GRM5: variants seen among roughly 807,000 people sequenced by gnomAD.
GRM5 encodes glutamate metabotropic receptor 5, also known as metabotropic glutamate receptor 5.
GRM5 carries 19 observed loss-of-function variants against 83.1 expected under a neutral mutation model. The ratio of observed to expected loss-of-function variants is 0.23; its 90% CI spans 0.16 to 0.34. The LOEUF (loss-of-function observed/expected upper bound fraction) is 0.34, where lower values mean the gene tolerates loss of function less well. Ranked by LOEUF, GRM5 falls within the 10% of genes least tolerant of loss-of-function variation. GRM5 has a pLI of 1.00. For synonymous variants in GRM5, 675 were observed against 633.6 expected, an observed-to-expected ratio of 1.07 and a Z score of -0.98; for missense variants, 1,160 against 1,588.3, an observed-to-expected ratio of 0.73 and a Z score of 4.58.
At chr11:88,575,532 G>A (rs1355768082) in intron 7 of GRM5, among the ~76,000 whole-genome samples, 1 of 152,194 alleles carries the variant, frequency 6.6e-6, no homozygotes, top group South Asian at 2.1e-4. Context: ...GTCTGCATGG[G>A]CAAGGTGGGG....
At chr11:88,634,724 T>A (rs1212349470) in intron 4 of GRM5, among the ~76,000 whole-genome samples, 1 of 152,206 alleles carries the variant, frequency 6.6e-6, no homozygotes, top group Non-Finnish European at 1.5e-5. Flanking sequence ...CACTCCCAAG[T>A]AATGATAAAA....
intron 3 of GRM5, among the ~76,000 whole-genome samples, chr11:88,672,260 AC>A (rs1940214226): frequency 6.6e-6 from 1 of 151,988 alleles, no homozygotes; most frequent in Non-Finnish European, 1.5e-5. Context: ...AAAATAGTGG[AC>A]CAAATTCAGT....
chr11:89,019,953 T>C (rs966000772), intron 2 of GRM5, among the ~76,000 whole-genome samples: 9 of 152,176 alleles, frequency 5.9e-5, no homozygotes, highest in Non-Finnish European at 1.2e-4. Flanking sequence ...AGCTGTTTTA[T>C]GGGCTGCAGC....
chr11:89,062,995 A>G (rs1424379819), intron 1 of GRM5, among the ~76,000 whole-genome samples: 1 of 152,266 alleles, frequency 6.6e-6, no homozygotes. Context: ...GAGAGGCAAT[A>G]TAGCCTGAGT....
At chr11:88,833,478 A>G (rs1484310944) in intron 3 of GRM5, among the ~76,000 whole-genome samples, 2 of 152,180 alleles carry the variant, frequency 1.3e-5, no homozygotes, top group Non-Finnish European at 2.9e-5. Flanking sequence ...AAGACAAAAA[A>G]TAAAAGATGC....
intron 3 of GRM5, among the ~76,000 whole-genome samples, chr11:88,675,735 G>A (rs1301148204): frequency 6.6e-6 from 1 of 151,956 alleles, no homozygotes; most frequent in African/African-American, 2.4e-5. Context: ...CTTCCGTCAC[G>A]TCATCCTAAC....
intron 2 of GRM5, among the ~76,000 whole-genome samples, chr11:88,952,212 G>A (rs1938487323): frequency 6.6e-6 from 1 of 152,028 alleles, no homozygotes; most frequent in Non-Finnish European, 1.5e-5. Flanking sequence ...CCCATTTCCT[G>A]GGATACCCAG....
At chr11:88,909,515 G>C (rs1343022083) in intron 2 of GRM5, among the ~76,000 whole-genome samples, 1 of 143,646 alleles carries the variant, frequency 7.0e-6, no homozygotes, top group Non-Finnish European at 1.5e-5. Flanking sequence ...TAATAAAGCA[G>C]GATGTTCCCA....
At chr11:88,652,699 T>C (rs1939663103) in intron 4 of GRM5, among the ~76,000 whole-genome samples, 1 of 152,094 alleles carries the variant, frequency 6.6e-6, no homozygotes, top group Non-Finnish European at 1.5e-5. Context: ...AAATCCCTGG[T>C]ACTATTTTAT....
intron 3 of GRM5, among the ~76,000 whole-genome samples, chr11:88,733,702 C>G (rs903851719): frequency 6.6e-6 from 1 of 152,014 alleles, no homozygotes; most frequent in Non-Finnish European, 1.5e-5. Context: ...ACCCACAGGT[C>G]TAGACATTTT....
chr11:89,011,444 A>T (rs1191853882), intron 2 of GRM5, among the ~76,000 whole-genome samples: 2 of 152,210 alleles, frequency 1.3e-5, no homozygotes, highest in Non-Finnish European at 1.5e-5. Context: ...TTATTAGTTC[A>T]GTGGTGTCTA....
chr11:88,618,173 A>C (rs1279842908), intron 4 of GRM5, among the ~76,000 whole-genome samples: 2 of 152,252 alleles, frequency 1.3e-5, no homozygotes. Context: ...GTGGGAACTT[A>C]CAGACTAAAC....
intron 3 of GRM5, among the ~76,000 whole-genome samples, chr11:88,720,465 C>T (rs370608275): frequency 7.2e-5 from 11 of 151,932 alleles, no homozygotes; most frequent in South Asian, 2.1e-4. Context: ...GAGTTGCCTG[C>T]GAGCCAGCCT....
intron 8 of GRM5, among the ~76,000 whole-genome samples, chr11:88,542,809 C>T (rs1041865579): frequency 2.1e-4 from 32 of 152,160 alleles, no homozygotes; most frequent in African/African-American, 7.7e-4. Context: ...TGGCTTATGT[C>T]TGTACTCGCA....
chr11:88,671,664 A>T (rs375706881), intron 3 of GRM5, among the ~76,000 whole-genome samples: 1 of 152,230 alleles, frequency 6.6e-6, no homozygotes, highest in African/African-American at 2.4e-5. Context: ...TAAAGAAAAT[A>T]TACGGAAAGG....
chr11:88,934,746 C>T (rs1167245484), intron 2 of GRM5, among the ~76,000 whole-genome samples: 5 of 151,576 alleles, frequency 3.3e-5, no homozygotes, highest in Non-Finnish European at 7.4e-5. Context: ...ATATTAGGGT[C>T]TAATTCATAA....
intron 3 of GRM5, among the ~76,000 whole-genome samples, chr11:88,706,186 T>G (rs1941151911): frequency 6.6e-6 from 1 of 152,078 alleles, no homozygotes; most frequent in African/African-American, 2.4e-5. Flanking sequence ...TCCTTCTATT[T>G]TGAATGTTTA....
intron 3 of GRM5, among the ~76,000 whole-genome samples, chr11:88,744,020 G>A (rs531230114): frequency 1.1e-4 from 16 of 152,134 alleles, no homozygotes; most frequent in Non-Finnish European, 2.2e-4. Flanking sequence ...ACTGTCCACA[G>A]ATTTGTGAAG....
At position 88,811,818 on chromosome 11, in the gene GRM5, A is replaced by G. The variant is rs150862350; in HGVS notation, c.911+38088T>C. On this transcript the variant is annotated intron_variant, in intron 3 of 9. Coordinates refer to ENST00000305447, the MANE Select transcript of GRM5 (RefSeq NM_001143831.3). ...TCACACCCTGCCCCTTCCAGATCCA[A>G]TGCATATCCTCTTCCAGGGGTACCA... 6.4e-3 allele frequency among the ~76,000 whole-genome samples: 972 copies of G among 152,166 alleles called. 9 individuals carry two copies. The highest frequency in any genetic ancestry group is 0.023 in the African/African-American group (935 of 41,518).
Sources: allele counts gnomAD v4.1 joint callset (sites outside exome capture counted in the v4.1 genomes callset), GRCh38; gene constraint gnomAD v4.1.1; transcripts MANE v1.5; gene names NCBI Gene and HGNC (gene_info 2026-07-23, HGNC 2026-07-21).